AHNAK: variants seen among roughly 807,000 people sequenced by gnomAD.
AHNAK encodes neuroblast differentiation-associated protein AHNAK.
In AHNAK, 23 loss-of-function variants were observed where a neutral mutation model predicts 37.8. That is an observed-to-expected ratio of 0.61 (90% CI 0.44 to 0.86). The LOEUF (loss-of-function observed/expected upper bound fraction) is 0.86, where lower values mean the gene tolerates loss of function less well. AHNAK is among the 40% of genes least tolerant of loss of function. AHNAK has a pLI of 0.00. For missense variants in AHNAK, 7,411 were observed against 7,319.4 expected, an observed-to-expected ratio of 1.01 and a Z score of -0.46; for synonymous variants, 2,481 against 2,636.3, an observed-to-expected ratio of 0.94 and a Z score of 1.80.
Position 62,520,882 on chromosome 11 carries a change from A to G in AHNAK, c.13535T>C (p.Val4512Ala), listed in dbSNP as rs755576998. ...LKGPKFKMPDVHFKSPQISMS... is the reference protein window; with the variant it reads ...LKGPKFKMPDAHFKSPQISMS... ...GGAGATTTGTGGGCTTTTGAAATGT[A>G]CATCAGGCATCTTAAACTTGGGACC... Residue 4512 changes from valine to alanine, a missense_variant, in exon 5 of 5, where the codon GTA becomes GCA. Coordinates refer to ENST00000378024, the MANE Select transcript of AHNAK (RefSeq NM_001620.3). The G allele has an allele frequency of 3.1e-6, 5 of 1,614,042 alleles. No homozygotes were observed. Among genetic ancestry groups the G allele is most frequent in the East Asian group, 2.2e-5 (1 of 44,890 alleles).
chr11:62,520,426 C>G lies in AHNAK; in HGVS notation c.13991G>C (p.Gly4664Ala). Residue 4664 changes from glycine to alanine, a missense_variant, in exon 5 of 5, where the codon GGC becomes GCC. Transcript: ENST00000378024. ...KVKMPKFSMPGFKGEGPDVDV... is the reference protein window; with the variant it reads ...KVKMPKFSMPAFKGEGPDVDV... ...CACATCTGGGCCCTCTCCTTTGAAG[C>G]CAGGCATGCTGAACTTGGGCATTTT... 1.9e-6 allele frequency: 3 copies of G among 1,613,924 alleles called. No individual in the cohort carries two copies. Among genetic ancestry groups the G allele is most frequent in the Non-Finnish European group, 2.5e-6 (3 of 1,179,988 alleles).
rs921858674 is a variant in AHNAK, at chr11:62,516,576, G to A, written c.*168C>T. 1.4e-6 allele frequency: 2 copies of A among 1,462,264 alleles called. No homozygotes were observed. Among genetic ancestry groups the A allele is most frequent in the Admixed American group, 2.6e-5 (1 of 38,522 alleles). 90.6% of individuals were successfully genotyped at this position (1,462,264 alleles called of 1,614,324 possible). ...TCTTTACCTATCTGTATAGTTCCAGGAGCCTACAGGCGGTCGGTTTTTCAG... is the reference window on the plus strand; with the variant it reads ...TCTTTACCTATCTGTATAGTTCCAGAAGCCTACAGGCGGTCGGTTTTTCAG... On this transcript the variant is annotated 3_prime_UTR_variant, in exon 5 of 5. Coordinates refer to ENST00000378024, the MANE Select transcript of AHNAK (RefSeq NM_001620.3).
At chr11:62,504,691 C>A (rs78070366) in intron 4 of AHNAK, among the ~76,000 whole-genome samples, 6,297 of 152,136 alleles carry the variant, frequency 0.041, 189 homozygotes, top group Middle Eastern at 0.082. Context: ...TCAAAAGCCT[C>A]CCCTTTCACC....
rs1303694764 is a variant in AHNAK, at chr11:62,527,876, T to C, written c.6541A>G (p.Thr2181Ala). ...KFKMPEMHFK[T>A]PKISMPDVNL... ...ACATCAGGCATGGAGATCTTGGGGGTCTTGAAGTGCATCTCAGGCATCTTA... is the reference window on the plus strand; with the variant it reads ...ACATCAGGCATGGAGATCTTGGGGGCCTTGAAGTGCATCTCAGGCATCTTA... The change falls in exon 5 of 5, where the codon ACC (threonine) becomes GCC (alanine). Residue 2181 changes from threonine (T) to alanine (A), a missense_variant. Thr to Ala is a moderately conservative substitution (Grantham distance 58, BLOSUM62 0). Transcript: ENST00000378024. The C allele has an allele frequency of 2.7e-4, 430 of 1,598,914 alleles. No individual in the cohort carries two copies. The highest frequency in any genetic ancestry group is 2.6e-3 in the African/African-American group (184 of 69,462).
chr11:62,504,836 G>A (rs1939779940), intron 4 of AHNAK, among the ~76,000 whole-genome samples: 1 of 152,052 alleles, frequency 6.6e-6, no homozygotes. Context: ...AAAGCAAGGC[G>A]GTACCACGCT....
At chr11:62,486,020 CA>C (rs139783265) in intron 5 of AHNAK, among the ~76,000 whole-genome samples, 3,407 of 68,446 alleles carry the variant, frequency 0.05, 57 homozygotes, top group African/African-American at 0.13. Flanking sequence ...GACTTTGTCT[CA>C]AAAAAAAAAA....
chr11:62,522,552 G>T lies in AHNAK; in HGVS notation c.11865C>A (p.Asn3955Lys), dbSNP rs1265410514. 2.5e-6 allele frequency: 4 copies of T among 1,611,838 alleles called. No homozygotes were observed. Among genetic ancestry groups the T allele is most frequent in the African/African-American group, 1.3e-5 (1 of 74,258 alleles). Residue 3955 changes from asparagine to lysine, a missense_variant, in exon 5 of 5, where the codon AAC becomes AAA. Transcript: ENST00000378024. ...AGACGTCAAGGTCAGCCTTGGGCAG[G>T]TTCACATCCACTTCTGGACCTTCTC... ...FKGEGPEVDV[N>K]LPKADLDVSG...
intron 4 of AHNAK, among the ~76,000 whole-genome samples, chr11:62,510,214 T>G (rs1939884950): frequency 6.6e-6 from 1 of 151,554 alleles, no homozygotes; most frequent in Admixed American, 6.6e-5. Context: ...CGGCTAATTT[T>G]TTGTATTTTT....
chr11:62,530,089 T>C lies in AHNAK; in HGVS notation c.4328A>G (p.Glu1443Gly). Reference protein sequence around the residue: ...KLKGPKFKMPEMSIKPQKISI... With the variant: ...KLKGPKFKMPGMSIKPQKISI... ...TATCTTCTGAGGCTTTATACTCATTTCTGGCATCTTGAATTTGGGACCTTT... is the reference window on the plus strand; with the variant it reads ...TATCTTCTGAGGCTTTATACTCATTCCTGGCATCTTGAATTTGGGACCTTT... The change falls in exon 5 of 5, where the codon GAA becomes GGA. Residue 1443 changes from glutamate to glycine, a missense_variant. Coordinates refer to ENST00000378024, the MANE Select transcript of AHNAK (RefSeq NM_001620.3). The C allele has an allele frequency of 6.2e-7, 1 of 1,614,114 alleles. No individual in the cohort carries two copies. Among genetic ancestry groups the C allele is most frequent in the Non-Finnish European group, 8.5e-7 (1 of 1,179,970 alleles).
chr11:62,543,166 G>C (rs1941189988), intron 1 of AHNAK, among the ~76,000 whole-genome samples: 1 of 152,162 alleles, frequency 6.6e-6, no homozygotes, highest in South Asian at 2.1e-4. Context: ...GCTGGGGCCT[G>C]CACCCCCAAG....
rs373177458 is a variant in AHNAK at position 62,491,808 on chromosome 11, C to T, written c.366G>A (p.Leu122=). The T allele has an allele frequency of 2.0e-5, 33 of 1,612,606 alleles. No individual in the cohort carries two copies. In the South Asian group the frequency reaches 2.7e-4, roughly 13 times the overall value. The change falls in exon 5 of 6, where the codon CTG becomes CTA. Residue 122 remains leucine, a synonymous_variant. Coordinates refer to the AHNAK transcript ENST00000257247. ...TCTGTTTGTTCTGGTCTTTGCATTC[C>T]AGTGCTGATGGCTGTGGTGTGTTCT... is the stretch of plus-strand genomic sequence containing the variant.
Position 62,529,699 on chromosome 11 carries a change from T to C in AHNAK, c.4718A>G (p.Asn1573Ser), listed in dbSNP as rs1187455321. The C allele has an allele frequency of 6.2e-7, 1 of 1,614,086 alleles. No homozygotes were observed. Among genetic ancestry groups the C allele is most frequent in the South Asian group, 1.1e-5 (1 of 91,048 alleles). The change falls in exon 5 of 5, where the codon AAT becomes AGT. Residue 1573 changes from asparagine (N) to serine (S), a missense_variant. Asn to Ser is a conservative substitution (Grantham distance 46). Coordinates refer to ENST00000378024, the MANE Select transcript of AHNAK (RefSeq NM_001620.3). The stretch of plus-strand genomic sequence containing the variant: ...CATAGAGATTTTGTGCGTCTGTATA[T>C]TCATGCTTGGCATCTTGAACTTAGG... ...KGPKFKMPSM[N>S]IQTHKISMPD...
At chr11:62,447,980 TC>T (rs1166621225) in intron 5 of AHNAK, among the ~76,000 whole-genome samples, 2 of 152,034 alleles carry the variant, frequency 1.3e-5, no homozygotes, top group Admixed American at 1.3e-4. Flanking sequence ...TGTGGAGCCC[TC>T]TCAGGTCGTG....
At chr11:62,487,980 G>T (rs933494401) in intron 5 of AHNAK, among the ~76,000 whole-genome samples, 3 of 152,164 alleles carry the variant, frequency 2.0e-5, no homozygotes, top group African/African-American at 7.2e-5. Flanking sequence ...AGGGGAAAGA[G>T]GCGTCTCTGG....
chr11:62,535,333 C>T (rs573329086), intron 3 of AHNAK, 143 bp from the exon 4 acceptor site: 55 of 756,550 alleles, frequency 7.3e-5, no homozygotes, highest in South Asian at 7.1e-4. Flanking sequence ...TGTACAGACA[C>T]GGAAACTGAG....
At chr11:62,476,843 T>A (rs959140019) in intron 5 of AHNAK, among the ~76,000 whole-genome samples, 12 of 152,180 alleles carry the variant, frequency 7.9e-5, no homozygotes, top group African/African-American at 2.9e-4. Flanking sequence ...ACTGGTGGTC[T>A]GCTGCCAGTC....
intron 5 of AHNAK, among the ~76,000 whole-genome samples, chr11:62,482,765 C>T (rs12280776): frequency 0.028 from 4,320 of 152,262 alleles, 214 homozygotes; most frequent in African/African-American, 0.099. Context: ...TCATCTTGTA[C>T]TGCTCACTGC....
At chr11:62,495,170 A>G (rs1565213868) in intron 4 of AHNAK, among the ~76,000 whole-genome samples, 1 of 151,654 alleles carries the variant, frequency 6.6e-6, no homozygotes, top group African/African-American at 2.4e-5. Flanking sequence ...ACCTCCCCCA[A>G]CCCGGGCAAA....
intron 1 of AHNAK, among the ~76,000 whole-genome samples, chr11:62,541,448 C>G (rs1941121234): frequency 1.3e-5 from 2 of 152,188 alleles, no homozygotes; most frequent in Admixed American, 1.3e-4. Flanking sequence ...GAGTTAGAGA[C>G]CCCTACCAGA....
Sources: gnomAD v4.1 joint callset for allele counts (sites outside exome capture counted in the v4.1 genomes callset) on GRCh38, gnomAD v4.1.1 for gene constraint, MANE v1.5 for transcripts, NCBI Gene and HGNC (gene_info 2026-07-23, HGNC 2026-07-21) for gene names.